COL19A1: variants seen among roughly 807,000 people sequenced by gnomAD.
COL19A1 encodes the protein collagen type XIX alpha 1 chain.
A neutral mutation model predicts 190.2 loss-of-function variants in COL19A1; 159 were observed. That is an observed-to-expected ratio of 0.84 (90% CI 0.73 to 0.95). COL19A1 has a LOEUF of 0.95. Among genes scored for constraint, COL19A1 ranks in the 40% least tolerant of loss-of-function variants. The pLI is 0.00. For missense variants in COL19A1, 1,418 were observed against 1,431.9 expected (o/e 0.99, Z 0.16); for synonymous variants, 509 against 458.9 (o/e 1.11, Z -1.39).
At chr6:69,977,983 AG>A (rs1239178487) in intron 11 of COL19A1, among the ~76,000 whole-genome samples, 1 of 152,208 alleles carries the variant, frequency 6.6e-6, no homozygotes, top group African/African-American at 2.4e-5. Context: ...ATAATTTACT[AG>A]CCAGAAACAC....
chr6:69,937,960 G>T lies in COL19A1; in HGVS notation c.874-78G>T, dbSNP rs911754003. On this transcript the variant is annotated intron_variant, in intron 8 of 50. Transcript: ENST00000620364. ...ACAAAGCGTTATCTTGCTAGTGCCA[G>T]CTTCACATTTATAAACCATTTGGCT... is the stretch of plus-strand genomic sequence containing the variant. 6.4e-6 allele frequency: 9 copies of T among 1,396,604 alleles called. No individual in the cohort carries two copies. In the South Asian group the frequency reaches 1.1e-4, roughly 17 times the overall value. The allele number at this position is 1,396,604 out of a possible 1,614,324, so 86.5% of individuals were successfully genotyped here.
chr6:69,965,033 A>G lies in COL19A1; in HGVS notation c.1026+2163A>G, dbSNP rs548577707. 2.4e-4 allele frequency among the ~76,000 whole-genome samples: 37 copies of G among 152,338 alleles called. 1 individual carries two copies. The South Asian group carries it at 7.5e-3, about 31-fold the overall frequency. On this transcript the variant is annotated intron_variant, in intron 11 of 50. Transcript: ENST00000620364. ...ACTTTATTTCTAGATTAAACAAGAA[A>G]AGTCTATGAAACATTCACATTGGTG...
At chr6:69,971,663 G>A (rs1775431945) in intron 11 of COL19A1, among the ~76,000 whole-genome samples, 2 of 152,072 alleles carry the variant, frequency 1.3e-5, no homozygotes, top group East Asian at 1.9e-4. Flanking sequence ...CAGACTTTAG[G>A]CCATCATTTT....
intron 48 of COL19A1, among the ~76,000 whole-genome samples, chr6:70,192,505 GT>G (rs1172481616): frequency 2.1e-5 from 3 of 140,168 alleles, no homozygotes; most frequent in Non-Finnish European, 4.7e-5. Context: ...TTCTTTCTTT[GT>G]TTTTTTTGAC....
chr6:70,117,096 G>A (rs866309521), intron 16 of COL19A1, among the ~76,000 whole-genome samples: 2 of 152,162 alleles, frequency 1.3e-5, no homozygotes, highest in Non-Finnish European at 2.9e-5. Context: ...GAGTGAGCAG[G>A]CGATTTGACT....
chr6:69,983,358 T>G (rs1239910636), intron 11 of COL19A1, among the ~76,000 whole-genome samples: 1 of 152,206 alleles, frequency 6.6e-6, no homozygotes, highest in African/African-American at 2.4e-5. Context: ...GACCTGTGTC[T>G]GGCCACCTTG....
chr6:70,070,032 C>T (rs1012233697), intron 15 of COL19A1, among the ~76,000 whole-genome samples: 2 of 152,136 alleles, frequency 1.3e-5, no homozygotes, highest in African/African-American at 4.8e-5. Flanking sequence ...ACCATCTTTT[C>T]CACCATTGAT....
chr6:69,917,069 G>A (rs563807643), intron 4 of COL19A1, among the ~76,000 whole-genome samples: 1 of 152,308 alleles, frequency 6.6e-6, no homozygotes, highest in Non-Finnish European at 1.5e-5. Context: ...ATGATGTGTG[G>A]TTTCTTATGA....
chr6:69,919,052 C>G (rs1325957169), intron 4 of COL19A1, among the ~76,000 whole-genome samples: 1 of 152,162 alleles, frequency 6.6e-6, no homozygotes, highest in East Asian at 1.9e-4. Context: ...CTTTTTGGAA[C>G]TTTCCTCCCA....
intron 15 of COL19A1, among the ~76,000 whole-genome samples, chr6:70,081,895 A>G (rs545406715): frequency 1.3e-5 from 2 of 152,270 alleles, no homozygotes; most frequent in Middle Eastern, 3.4e-3. Flanking sequence ...TAATGTCAAT[A>G]TTTCTATGCA....
At chr6:69,983,669 C>G (rs1356846546) in intron 11 of COL19A1, among the ~76,000 whole-genome samples, 1 of 151,944 alleles carries the variant, frequency 6.6e-6, no homozygotes, top group Non-Finnish European at 1.5e-5. Flanking sequence ...GAATACTATT[C>G]AAATATTGAA....
intron 48 of COL19A1, among the ~76,000 whole-genome samples, chr6:70,194,226 G>C (rs912355602): frequency 6.6e-6 from 1 of 152,162 alleles, no homozygotes; most frequent in African/African-American, 2.4e-5. Flanking sequence ...ATCATCCCAA[G>C]TGTCCAGATT....
At position 70,149,903 on chromosome 6, in the gene COL19A1, A is replaced by C; in HGVS notation, c.1982A>C (p.Asp661Ala). 1 of 1,613,732 alleles carries C rather than the reference A, an allele frequency of 6.2e-7. No individual in the cohort carries two copies. The change falls in exon 29 of 51, where the codon GAT becomes GCT. Residue 661 changes from aspartate (D) to alanine (A), a missense_variant and splice_region_variant. Physicochemically the swap from Asp to Ala is moderately radical, Grantham distance 126. Coordinates refer to ENST00000620364, the MANE Select transcript of COL19A1 (RefSeq NM_001858.6). ...GGAACTCCAGGGACTCCAGGGAATGATGTAAGGACTTTCTTTATCTACCCT... is the reference window on the plus strand; with the variant it reads ...GGAACTCCAGGGACTCCAGGGAATGCTGTAAGGACTTTCTTTATCTACCCT... ...LPGTPGTPGNDGVPGRDGKPG... is the reference protein window; with the variant it reads ...LPGTPGTPGNAGVPGRDGKPG...
intron 4 of COL19A1, among the ~76,000 whole-genome samples, chr6:69,909,621 T>C (rs1157751794): frequency 6.6e-6 from 1 of 152,104 alleles, no homozygotes; most frequent in Non-Finnish European, 1.5e-5. Flanking sequence ...ACAATAAATA[T>C]AATTACATGA....
intron 49 of COL19A1, among the ~76,000 whole-genome samples, chr6:70,201,338 A>T (rs1767538621): frequency 6.6e-6 from 1 of 152,240 alleles, no homozygotes; most frequent in South Asian, 2.1e-4. Context: ...GCTGTCAGTC[A>T]GAGGCAATTC....
At chr6:69,959,845 A>G (rs1435800284) in intron 9 of COL19A1, 151 bp from the exon 10 acceptor site, 1 of 552,752 alleles carries the variant, frequency 1.8e-6, no homozygotes, top group Non-Finnish European at 3.0e-6. Flanking sequence ...TTGAGAAATA[A>G]GGAACAGATG....
At chr6:70,016,640 A>G (rs1207702778) in intron 11 of COL19A1, among the ~76,000 whole-genome samples, 1 of 152,042 alleles carries the variant, frequency 6.6e-6, no homozygotes, top group East Asian at 1.9e-4. Context: ...TATATATCTG[A>G]TAAATGACTT....
At position 69,962,649 on chromosome 6, in the gene COL19A1, T is replaced by C. The variant is rs73746834; in HGVS notation, c.982-177T>C. On this transcript the variant is annotated intron_variant, in intron 10 of 50. Transcript: ENST00000620364. ...CTTATACCCTAGAAAATTGTTCCTT[T>C]AGTATTTAGAAATATTTAAATCTTA... is the stretch of plus-strand genomic sequence containing the variant. Among the ~76,000 whole-genome samples the C allele has an allele frequency of 0.051, 7,704 of 152,222 alleles. 599 individuals are homozygous for C. The highest frequency in any genetic ancestry group is 0.16 in the African/African-American group (6,728 of 41,482).
At chr6:69,992,116 T>C (rs1459249954) in intron 11 of COL19A1, among the ~76,000 whole-genome samples, 1 of 152,198 alleles carries the variant, frequency 6.6e-6, no homozygotes, top group Non-Finnish European at 1.5e-5. Context: ...ATCTTCTGCA[T>C]ATGGCTAGCC....
Sources: allele counts gnomAD v4.1 joint callset (sites outside exome capture counted in the v4.1 genomes callset), GRCh38; gene constraint gnomAD v4.1.1; transcripts MANE v1.5; gene names NCBI Gene and HGNC (gene_info 2026-07-23, HGNC 2026-07-21).